Variants in SPRTN observed in about 807,000 individuals in gnomAD.
The protein encoded by SPRTN is SprT-like N-terminal domain.
A neutral mutation model predicts 31.9 loss-of-function variants in SPRTN; 11 were observed. That is an observed-to-expected ratio of 0.34 (90% confidence interval 0.22 to 0.57). The LOEUF (loss-of-function observed/expected upper bound fraction) is 0.57, where lower values mean the gene tolerates loss of function less well. Ranked by LOEUF, SPRTN falls within the 20% of genes least tolerant of loss-of-function variation. The probability of loss-of-function intolerance (pLI) is 0.86; values close to 1 mark genes in which losing one functional copy is unlikely to be tolerated. For synonymous variants in SPRTN, 185 were observed against 212.1 expected, an observed-to-expected ratio of 0.87 and a Z score of 1.11; for missense variants, 482 against 590.1, an observed-to-expected ratio of 0.82 and a Z score of 1.90.
intron 2 of SPRTN, among the ~76,000 whole-genome samples, chr1:231,341,657 A>G (rs1686894133): frequency 6.6e-6 from 1 of 152,236 alleles, no homozygotes; most frequent in South Asian, 2.1e-4. Flanking sequence ...ACATAACTTT[A>G]AATTTTATGA....
chr1:231,347,008 A>G (rs1687082602), intron 2 of SPRTN, among the ~76,000 whole-genome samples: 1 of 152,192 alleles, frequency 6.6e-6, no homozygotes, highest in Admixed American at 6.5e-5. Flanking sequence ...TTTGATATAT[A>G]GTCAAAAAGG....
chr1:231,339,990 C>A, intron 2 of SPRTN, 122 bp downstream of exon 2: 1 of 763,392 alleles, frequency 1.3e-6, no homozygotes, highest in Non-Finnish European at 2.2e-6. Context: ...TCAGTGAAAG[C>A]TTGAATTATG....
Position 231,353,238 on chromosome 1 carries a change from TC to T in SPRTN, c.1348del (p.Gln450ArgfsTer67). 6.2e-7 allele frequency: 1 copy of T among 1,614,116 alleles called. No individual in the cohort carries two copies. Among genetic ancestry groups the T allele is most frequent in the South Asian group, 1.1e-5 (1 of 91,084 alleles). On this transcript the variant is annotated frameshift_variant, in exon 5 of 5. Transcript: ENST00000295050. LOFTEE classifies it low-confidence loss of function (END_TRUNC). ...TAQNSSSSSSQSKMVNCPVCQ... is the reference protein window; with the variant it reads ...TAQNSSSSSSXSKMVNCPVCQ... The stretch of plus-strand genomic sequence containing the variant: ...CTCAGAATTCCAGCAGTTCATCCAG[TC>T]AGAGCAAAATGGTTAATTGCCCAGT...
intron 3 of SPRTN, 87 bp from the exon 4 acceptor site, chr1:231,351,217 A>ATT (rs1229876799): frequency 8.5e-7 from 1 of 1,175,766 alleles, no homozygotes; most frequent in Admixed American, 4.3e-5. Flanking sequence ...AAAAAAAAAA[A>ATT]AAAAAAAAAA....
At chr1:231,351,783 A>G (rs1687246181) in intron 4 of SPRTN, 1 of 1,194,686 alleles carries the variant, frequency 8.4e-7, no homozygotes, top group Non-Finnish European at 1.0e-6. Flanking sequence ...TAAAAGTAGG[A>G]ATAGTTTCCA....
At chr1:231,351,784 A>G (rs1179269298) in intron 4 of SPRTN, 3 of 1,192,284 alleles carry the variant, frequency 2.5e-6, no homozygotes, top group Non-Finnish European at 3.1e-6. Flanking sequence ...AAAAGTAGGA[A>G]TAGTTTCCAT....
At chr1:231,345,906 G>T (rs939672433) in intron 2 of SPRTN, among the ~76,000 whole-genome samples, 1 of 151,998 alleles carries the variant, frequency 6.6e-6, no homozygotes, top group African/African-American at 2.4e-5. Context: ...TTGAATTCAT[G>T]GCCTCAAGTG....
At chr1:231,347,596 T>C (rs570302128) in intron 2 of SPRTN, 2 of 538,006 alleles carry the variant, frequency 3.7e-6, no homozygotes, top group South Asian at 6.7e-5. Context: ...ACCCCTGGGC[T>C]CAAGTGACCC....
intron 2 of SPRTN, among the ~76,000 whole-genome samples, chr1:231,343,280 T>G (rs1686956136): frequency 6.6e-6 from 1 of 152,044 alleles, no homozygotes; most frequent in South Asian, 2.1e-4. Flanking sequence ...CCTAGGTATA[T>G]ATACTCTATA....
At chr1:231,347,991 T>C in intron 3 of SPRTN, 66 bp downstream of exon 3, 5 of 1,560,426 alleles carry the variant, frequency 3.2e-6, no homozygotes, top group Non-Finnish European at 4.3e-6. Flanking sequence ...TGAGATTTAA[T>C]TAAAAGTAGA....
intron 2 of SPRTN, among the ~76,000 whole-genome samples, chr1:231,341,475 T>G (rs1686887861): frequency 6.6e-6 from 1 of 152,146 alleles, no homozygotes; most frequent in East Asian, 1.9e-4. Flanking sequence ...TCAAAAAGTT[T>G]TAGATTTTGG....
In SPRTN at chr1:231,352,877, G is replaced by A. The variant is rs1329420989; in HGVS notation, c.986G>A (p.Ser329Asn). 6.2e-7 allele frequency: 1 copy of A among 1,613,948 alleles called. No individual in the cohort carries two copies. The highest frequency in any genetic ancestry group is 1.7e-5 in the Admixed American group (1 of 59,996). ...AGTAACAGTCACCAAAATGTTCTAA[G>A]CAACTACTTTCCTAGAGTATCATTT... ...AVSNSHQNVL[S>N]NYFPRVSFAN... The change falls in exon 5 of 5, where the codon AGC becomes AAC. Residue 329 changes from serine (S) to asparagine (N), a missense_variant. By Grantham distance (46) the Ser-to-Asn change is conservative (BLOSUM62 1). Transcript: ENST00000295050.
chr1:231,338,363 C>T lies in SPRTN; in HGVS notation c.-21C>T, dbSNP rs776574687. ...GGAGCCAGCCTGACGCCGGCGGACC[C>T]CGCCTGTGATCCTGGCAACGATGGA... is the stretch of plus-strand genomic sequence containing the variant. On this transcript the variant is annotated 5_prime_UTR_variant, in exon 1 of 5. Transcript: ENST00000295050. 6.2e-7 allele frequency: 1 copy of T among 1,611,632 alleles called. No homozygotes were observed. The highest frequency in any genetic ancestry group is 8.5e-7 in the Non-Finnish European group (1 of 1,178,248).
At chr1:231,352,265 G>A in intron 4 of SPRTN, 1 of 1,021,244 alleles carries the variant, frequency 9.8e-7, no homozygotes, top group Non-Finnish European at 1.2e-6. Context: ...TTCGTGAGTA[G>A]AAGGAAAGAT....
chr1:231,351,276 G>C, intron 3 of SPRTN, 28 bp from the exon 4 acceptor site: 1 of 1,394,014 alleles, frequency 7.2e-7, no homozygotes, highest in Non-Finnish European at 9.5e-7. Context: ...CTTGCTTATT[G>C]AATACTAAAA....
At chr1:231,339,945 G>A (rs910861529) in intron 2 of SPRTN, 77 bp downstream of exon 2, 32 of 1,392,752 alleles carry the variant, frequency 2.3e-5, no homozygotes, top group Admixed American at 1.0e-4. Flanking sequence ...CTGTGAATTC[G>A]CCTGTATGTA....
chr1:231,352,029 A>T (rs1214027329), intron 4 of SPRTN: 4 of 994,940 alleles, frequency 4.0e-6, no homozygotes, highest in Non-Finnish European at 4.8e-6. Context: ...AAGTGACTCT[A>T]TTGATGTATG....
intron 2 of SPRTN, 77 bp downstream of exon 2, chr1:231,339,945 GC>G: frequency 7.2e-7 from 1 of 1,392,868 alleles, no homozygotes; most frequent in South Asian, 1.2e-5. Flanking sequence ...CTGTGAATTC[GC>G]CTGTATGTAT....
In SPRTN at chr1:231,353,776, T is replaced by G. The variant is rs1165015179; in HGVS notation, c.*415T>G. 1.7e-5 allele frequency: 17 copies of G among 983,740 alleles called. No individual in the cohort carries two copies. Among genetic ancestry groups the G allele is most frequent in the Non-Finnish European group, 2.1e-5 (17 of 827,764 alleles). 60.9% of individuals were successfully genotyped at this position (983,740 alleles called of 1,614,324 possible). On this transcript the variant is annotated 3_prime_UTR_variant, in exon 5 of 5. Coordinates refer to ENST00000295050, the MANE Select transcript of SPRTN (RefSeq NM_032018.7). ...CTCATTCCCTGAACTGATGTAAATC[T>G]TCATAGTGTCAGACATACTGACCAA...
Sources: gnomAD v4.1 joint callset for allele counts (sites outside exome capture counted in the v4.1 genomes callset) on GRCh38, gnomAD v4.1.1 for gene constraint, MANE v1.5 for transcripts, NCBI Gene and HGNC (gene_info 2026-07-23, HGNC 2026-07-21) for gene names.